Variants in TTLL5 observed in about 807,000 individuals in gnomAD.
The protein encoded by TTLL5 is tubulin tyrosine ligase like 5.
Under a neutral mutation model 168.4 loss-of-function variants are expected in TTLL5, and 132 were observed. That is an observed-to-expected ratio of 0.78 (90% CI 0.68 to 0.91). The LOEUF (loss-of-function observed/expected upper bound fraction) is 0.91, where lower values mean the gene tolerates loss of function less well. Among genes scored for constraint, TTLL5 ranks in the 40% least tolerant of loss-of-function variants. The pLI is 0.00. For missense variants in TTLL5, 1,545 were observed against 1,581.5 expected (o/e 0.98, Z 0.39); for synonymous variants, 546 against 558.6 (o/e 0.98, Z 0.32).
At chr14:75,787,104 G>T (rs1237221292) in intron 26 of TTLL5, among the ~76,000 whole-genome samples, 4 of 152,198 alleles carry the variant, frequency 2.6e-5, no homozygotes, top group East Asian at 1.9e-4. Flanking sequence ...CTGCACTCCA[G>T]CCTGGGCACA....
intron 12 of TTLL5, among the ~76,000 whole-genome samples, chr14:75,727,358 G>T (rs10151528): frequency 0.047 from 7,143 of 152,284 alleles, 317 homozygotes; most frequent in African/African-American, 0.11. Flanking sequence ...TACTCAGCTA[G>T]AGAAAGGAAC....
intron 31 of TTLL5, among the ~76,000 whole-genome samples, chr14:75,945,476 C>T (rs1000430899): frequency 1.3e-5 from 2 of 151,648 alleles, no homozygotes; most frequent in African/African-American, 4.8e-5. Flanking sequence ...AGGATGATCT[C>T]GATCTCTTGA....
rs79846725 is a variant in TTLL5, at chr14:75,745,219, G to A, written c.1395+11G>A. On this transcript the variant is annotated intron_variant, in intron 16 of 31. Coordinates refer to ENST00000298832, the MANE Select transcript of TTLL5 (RefSeq NM_015072.5). ...CTGTCAATGGAGGAGGTAAAGATAA[G>A]TTCATTTTAGGCTTTTGTGGGTTAA... is the stretch of plus-strand genomic sequence containing the variant. 3.7e-6 allele frequency: 6 copies of A among 1,612,914 alleles called. No homozygotes were observed. In the African/African-American group the frequency reaches 5.3e-5, roughly 14 times the overall value.
At chr14:75,875,116 G>T (rs1225157607) in intron 29 of TTLL5, among the ~76,000 whole-genome samples, 2 of 150,288 alleles carry the variant, frequency 1.3e-5, no homozygotes, top group East Asian at 4.0e-4. Flanking sequence ...TGTATTTTTA[G>T]TAGAGATGGG....
intron 28 of TTLL5, among the ~76,000 whole-genome samples, chr14:75,824,996 G>A (rs934058693): frequency 5.3e-5 from 8 of 152,150 alleles, no homozygotes; most frequent in South Asian, 4.1e-4. Flanking sequence ...ACAGACCTAG[G>A]TTTGCCTTAT....
chr14:75,825,264 C>T (rs1217260800), intron 28 of TTLL5, among the ~76,000 whole-genome samples: 2 of 152,252 alleles, frequency 1.3e-5, no homozygotes, highest in Middle Eastern at 3.4e-3. Context: ...TGGTATTGCT[C>T]ACCACTTAGT....
intron 31 of TTLL5, among the ~76,000 whole-genome samples, chr14:75,923,122 C>G (rs1298856479): frequency 6.6e-6 from 1 of 151,998 alleles, no homozygotes; most frequent in Non-Finnish European, 1.5e-5. Flanking sequence ...GTCTTGCTAG[C>G]AGTCTGTCAA....
chr14:75,732,247 C>A, intron 12 of TTLL5, 91 bp from the exon 13 acceptor site: 2 of 1,075,662 alleles, frequency 1.9e-6, no homozygotes, highest in Non-Finnish European at 2.7e-6. Flanking sequence ...AGTTTCTAGG[C>A]CTGGGAGTTA....
At chr14:75,678,443 C>T in intron 3 of TTLL5, among the ~76,000 whole-genome samples, 1 of 152,180 alleles carries the variant, frequency 6.6e-6, no homozygotes, top group East Asian at 1.9e-4. Flanking sequence ...TAGATCTAAT[C>T]TATGCAGATT....
intron 29 of TTLL5, among the ~76,000 whole-genome samples, chr14:75,871,955 T>C (rs922664137): frequency 3.9e-5 from 6 of 152,238 alleles, no homozygotes; most frequent in Admixed American, 6.5e-5. Flanking sequence ...GACTAATTAT[T>C]TCATTTTAGT....
intron 18 of TTLL5, among the ~76,000 whole-genome samples, chr14:75,755,485 C>A (rs996837992): frequency 1.3e-5 from 2 of 151,994 alleles, no homozygotes; most frequent in Non-Finnish European, 2.9e-5. Flanking sequence ...CTAGCTTTGT[C>A]CTTCCTCCTC....
At chr14:75,797,363 A>G (rs1893050785) in intron 27 of TTLL5, among the ~76,000 whole-genome samples, 1 of 151,974 alleles carries the variant, frequency 6.6e-6, no homozygotes, top group Non-Finnish European at 1.5e-5. Flanking sequence ...TCATATTGGC[A>G]AACAGCAACA....
chr14:75,709,682 A>G (rs1185499045), intron 9 of TTLL5: 1 of 158,466 alleles, frequency 6.3e-6, no homozygotes, highest in Non-Finnish European at 1.4e-5. Context: ...GTATCACTAT[A>G]CAAAATTAGG....
At chr14:75,721,098 G>A (rs1423989850) in intron 12 of TTLL5, among the ~76,000 whole-genome samples, 1 of 152,072 alleles carries the variant, frequency 6.6e-6, no homozygotes, top group African/African-American at 2.4e-5. Flanking sequence ...CCCATTTTCC[G>A]ATGACTCCTC....
intron 30 of TTLL5, among the ~76,000 whole-genome samples, chr14:75,888,739 G>A (rs1444350118): frequency 6.6e-6 from 1 of 151,878 alleles, no homozygotes; most frequent in African/African-American, 2.4e-5. Flanking sequence ...TTCGAGACCA[G>A]CCTGGCCAAC....
chr14:75,844,780 AT>A (rs1168824857), intron 28 of TTLL5, among the ~76,000 whole-genome samples: 2 of 151,478 alleles, frequency 1.3e-5, no homozygotes, highest in South Asian at 4.2e-4. Context: ...CCCAAACCTA[AT>A]TTTTTTTTAG....
chr14:75,714,126 A>C (rs2140188449), intron 9 of TTLL5, among the ~76,000 whole-genome samples: 1 of 152,176 alleles, frequency 6.6e-6, no homozygotes, highest in African/African-American at 2.4e-5. Flanking sequence ...ATTGTCCCTC[A>C]GTTTGGGCTT....
chr14:75,707,147 T>C, intron 8 of TTLL5, 60 bp downstream of exon 8: 1 of 1,308,484 alleles, frequency 7.6e-7, no homozygotes, highest in Non-Finnish European at 1.1e-6. Flanking sequence ...CTTTTTAAGC[T>C]TTTCATAGCC....
intron 27 of TTLL5, among the ~76,000 whole-genome samples, chr14:75,816,594 T>G (rs574084710): frequency 1.3e-5 from 2 of 152,354 alleles, no homozygotes; most frequent in East Asian, 1.9e-4. Flanking sequence ...TCATTTATAC[T>G]AAACATGGTA....
Sources: gnomAD v4.1 joint callset for allele counts (sites outside exome capture counted in the v4.1 genomes callset) on GRCh38, gnomAD v4.1.1 for gene constraint, MANE v1.5 for transcripts, NCBI Gene and HGNC (gene_info 2026-07-23, HGNC 2026-07-21) for gene names.